TBC1D15: variants seen among roughly 807,000 people sequenced by gnomAD.
TBC1D15 encodes the protein GAP for RAB7.
In TBC1D15, 39 loss-of-function variants were observed where a neutral mutation model predicts 95.4. The ratio of observed to expected loss-of-function variants is 0.41; its 90% CI spans 0.32 to 0.53. The LOEUF is 0.53. Ranked by LOEUF, TBC1D15 falls within the 20% of genes least tolerant of loss-of-function variation. The pLI is 0.29. For missense variants in TBC1D15, 733 were observed against 794.3 expected, an observed-to-expected ratio of 0.92 and a Z score of 0.93; for synonymous variants, 258 against 261.3, an observed-to-expected ratio of 0.99 and a Z score of 0.12.
intron 1 of TBC1D15, among the ~76,000 whole-genome samples, chr12:71,860,015 G>A (rs1436529123): frequency 6.6e-6 from 1 of 152,190 alleles, no homozygotes; most frequent in South Asian, 2.1e-4. Context: ...ATTTGTAGAA[G>A]AGACTGTTTC....
Position 71,913,914 on chromosome 12 carries a change from C to A in TBC1D15, c.1389C>A (p.Tyr463Ter). ...EVDAFWCFAS[Y>*]MDQMHQNFEE... ...ATGCCTTTTGGTGCTTTGCCTCTTACATGGACCAAATGGTAAGAACAGAGA... is the reference window on the plus strand; with the variant it reads ...ATGCCTTTTGGTGCTTTGCCTCTTAAATGGACCAAATGGTAAGAACAGAGA... The change falls in exon 12 of 17, where the codon TAC (tyrosine) becomes TAA (stop). Residue 463 changes from tyrosine to a stop codon, truncating the protein, a stop_gained. Transcript: ENST00000485960. LOFTEE classifies it high-confidence loss of function. 1 of 1,590,038 alleles carries A rather than the reference C, an allele frequency of 6.3e-7. No homozygotes were observed. The highest frequency in any genetic ancestry group is 8.5e-7 in the Non-Finnish European group (1 of 1,171,264).
intron 12 of TBC1D15, among the ~76,000 whole-genome samples, chr12:71,916,152 T>TC (rs1903652977): frequency 1.3e-5 from 2 of 152,132 alleles, no homozygotes; most frequent in Admixed American, 6.6e-5. Context: ...CTTTCTCCTC[T>TC]CCATCTCCCC....
intron 13 of TBC1D15, 149 bp downstream of exon 13, chr12:71,917,946 C>T: frequency 1.8e-6 from 1 of 544,224 alleles, no homozygotes. Context: ...TTACTTGCAC[C>T]CAGGAGTTTG....
intron 4 of TBC1D15, among the ~76,000 whole-genome samples, chr12:71,883,682 GGTA>G (rs1482210783): frequency 6.6e-6 from 1 of 152,044 alleles, no homozygotes; most frequent in Non-Finnish European, 1.5e-5. Context: ...TTGTGGGACT[GGTA>G]GTATGGGACA....
At chr12:71,865,518 C>CT (rs1891300136) in intron 1 of TBC1D15, among the ~76,000 whole-genome samples, 1 of 152,108 alleles carries the variant, frequency 6.6e-6, no homozygotes, top group Admixed American at 6.5e-5. Flanking sequence ...TATCCAGACT[C>CT]TGTGAGTCGA....
At chr12:71,871,273 A>G (rs138209682) in intron 1 of TBC1D15, among the ~76,000 whole-genome samples, 82 of 152,294 alleles carry the variant, frequency 5.4e-4, no homozygotes, top group African/African-American at 1.9e-3. Flanking sequence ...CTTTTTACAT[A>G]TAGAAGCACT....
intron 1 of TBC1D15, among the ~76,000 whole-genome samples, chr12:71,866,306 TCTC>T (rs1891490100): frequency 6.6e-6 from 1 of 152,316 alleles, no homozygotes; most frequent in East Asian, 1.9e-4. Flanking sequence ...TGCGGTATCT[TCTC>T]CTCTCTTGGG....
intron 5 of TBC1D15, among the ~76,000 whole-genome samples, chr12:71,887,215 T>C (rs576232281): frequency 1.3e-5 from 2 of 152,330 alleles, no homozygotes; most frequent in Admixed American, 6.5e-5. Flanking sequence ...TTTTACTTGA[T>C]CAACTATCAA....
At chr12:71,919,221 A>T (rs866942625) in intron 14 of TBC1D15, among the ~76,000 whole-genome samples, 61 of 130,234 alleles carry the variant, frequency 4.7e-4, no homozygotes, top group African/African-American at 1.5e-3. Flanking sequence ...TTTTTTTTTT[A>T]AAGAGAAGGG....
chr12:71,901,975 G>T (rs1048615394), intron 10 of TBC1D15, among the ~76,000 whole-genome samples: 5 of 152,160 alleles, frequency 3.3e-5, no homozygotes, highest in Non-Finnish European at 7.4e-5. Flanking sequence ...AATGAAGGAT[G>T]TGATCCCATT....
intron 11 of TBC1D15, among the ~76,000 whole-genome samples, chr12:71,908,390 A>G (rs1901338243): frequency 6.6e-6 from 1 of 151,806 alleles, no homozygotes; most frequent in South Asian, 2.1e-4. Context: ...TTCTAGCTAA[A>G]GGATAGTGGA....
intron 11 of TBC1D15, among the ~76,000 whole-genome samples, chr12:71,910,274 A>G (rs1180289015): frequency 2.0e-4 from 30 of 151,436 alleles, no homozygotes; most frequent in African/African-American, 6.8e-4. Context: ...GCCTTGTAGT[A>G]TAGTTTGAAA....
chr12:71,854,340 GT>G (rs534429245), intron 1 of TBC1D15, among the ~76,000 whole-genome samples: 10 of 152,152 alleles, frequency 6.6e-5, no homozygotes, highest in Non-Finnish European at 1.2e-4. Context: ...AGAAGTGGAA[GT>G]TTTTATATAG....
chr12:71,895,323 T>A (rs1206070644), intron 7 of TBC1D15, among the ~76,000 whole-genome samples: 1 of 152,100 alleles, frequency 6.6e-6, no homozygotes, highest in Non-Finnish European at 1.5e-5. Flanking sequence ...GATCTTTATA[T>A]GTGCTCAGTA....
At chr12:71,842,571 C>A (rs1471672569) in intron 1 of TBC1D15, among the ~76,000 whole-genome samples, 2 of 152,098 alleles carry the variant, frequency 1.3e-5, no homozygotes, top group Non-Finnish European at 2.9e-5. Flanking sequence ...TGGCTCAGGC[C>A]TGTAATCCCA....
intron 5 of TBC1D15, among the ~76,000 whole-genome samples, chr12:71,886,157 G>A (rs927857396): frequency 1.3e-5 from 2 of 152,054 alleles, no homozygotes; most frequent in Non-Finnish European, 2.9e-5. Flanking sequence ...TGAGGTTTTG[G>A]GCTTGGGGGA....
At chr12:71,842,084 A>G (rs1267793636) in intron 1 of TBC1D15, among the ~76,000 whole-genome samples, 1 of 152,202 alleles carries the variant, frequency 6.6e-6, no homozygotes, top group Non-Finnish European at 1.5e-5. Context: ...ATACTTTTTA[A>G]TAAAAGTACA....
chr12:71,852,792 ACCT>A (rs1888147254), intron 1 of TBC1D15, among the ~76,000 whole-genome samples: 2 of 151,978 alleles, frequency 1.3e-5, no homozygotes, highest in African/African-American at 2.4e-5. Flanking sequence ...TCCATCTGAG[ACCT>A]CCTCAGCCTG....
Position 71,923,918 on chromosome 12 carries a change from AT to A in TBC1D15, c.*717del, listed in dbSNP as rs879286512. Reference sequence around the variant, plus strand: ...GATTTATATAACCTGGTTTATCAAAATTTAACATGGCTTCAGTATGAGATCT... The same window carrying A: ...GATTTATATAACCTGGTTTATCAAAATTAACATGGCTTCAGTATGAGATCT... On this transcript the variant is annotated 3_prime_UTR_variant, in exon 17 of 17. Transcript: ENST00000485960. The A allele has an allele frequency of 6.6e-6, 1 of 152,574 alleles. No individual in the cohort carries two copies. Among genetic ancestry groups the A allele is most frequent in the Non-Finnish European group, 1.5e-5 (1 of 68,016 alleles). 9.5% of individuals were successfully genotyped at this position (152,574 alleles called of 1,614,324 possible).
Sources: gnomAD v4.1 joint callset for allele counts (sites outside exome capture counted in the v4.1 genomes callset) on GRCh38, gnomAD v4.1.1 for gene constraint, MANE v1.5 for transcripts, NCBI Gene and HGNC (gene_info 2026-07-23, HGNC 2026-07-21) for gene names.